The following TOX variants were observed in gnomAD, a reference collection of about 807,000 sequenced individuals.
TOX encodes the protein thymocyte selection-associated high mobility group box protein TOX.
A neutral mutation model predicts 53.7 loss-of-function variants in TOX; 11 were observed. That is an observed-to-expected ratio of 0.20 (90% CI 0.13 to 0.34). The LOEUF is 0.34. Ranked by LOEUF, TOX falls within the 10% of genes least tolerant of loss-of-function variation. TOX has a pLI of 1.00. For missense variants in TOX, 570 were observed against 664.6 expected, an observed-to-expected ratio of 0.86 and a Z score of 1.56; for synonymous variants, 225 against 245.3, an observed-to-expected ratio of 0.92 and a Z score of 0.77.
At chr8:58,837,884 T>C (rs1810572527) in intron 5 of TOX, among the ~76,000 whole-genome samples, 197 bp downstream of exon 5, 1 of 152,194 alleles carries the variant, frequency 6.6e-6, no homozygotes, top group Non-Finnish European at 1.5e-5. Flanking sequence ...AACAAAGGAA[T>C]CAACATGCTA....
chr8:59,113,815 A>T (rs948205010), intron 1 of TOX, among the ~76,000 whole-genome samples: 1 of 152,180 alleles, frequency 6.6e-6, no homozygotes, highest in African/African-American at 2.4e-5. Context: ...GCTGGCTTTA[A>T]AACAGAATAG....
intron 1 of TOX, among the ~76,000 whole-genome samples, chr8:58,971,977 C>G (rs1012415981): frequency 1.3e-5 from 2 of 152,168 alleles, no homozygotes; most frequent in Admixed American, 1.3e-4. Flanking sequence ...AGGCGTGAGC[C>G]ACCATGCGCA....
intron 3 of TOX, among the ~76,000 whole-genome samples, chr8:58,868,082 T>C (rs1811133064): frequency 6.6e-6 from 1 of 152,188 alleles, no homozygotes; most frequent in African/African-American, 2.4e-5. Flanking sequence ...AGGTCTTTTC[T>C]GTGTTCTTGT....
At chr8:58,812,516 T>C (rs951181611) in intron 7 of TOX, among the ~76,000 whole-genome samples, 2 of 152,200 alleles carry the variant, frequency 1.3e-5, no homozygotes, top group Non-Finnish European at 2.9e-5. Context: ...GCGTGCTTCC[T>C]CTTCTCATCC....
intron 1 of TOX, among the ~76,000 whole-genome samples, chr8:59,047,205 T>TG (rs1165143148): frequency 9.0e-5 from 3 of 33,236 alleles, no homozygotes; most frequent in South Asian, 1.3e-3. Flanking sequence ...CAAGAATTGT[T>TG]TTTTTTTTTT....
chr8:58,975,216 T>C (rs1813070611), intron 1 of TOX, among the ~76,000 whole-genome samples: 1 of 148,046 alleles, frequency 6.8e-6, no homozygotes, highest in South Asian at 2.2e-4. Context: ...TAAGTGTGTA[T>C]ATGTATGTAT....
intron 1 of TOX, among the ~76,000 whole-genome samples, chr8:58,978,358 A>T (rs563000128): frequency 1.2e-4 from 19 of 152,326 alleles, no homozygotes; most frequent in African/African-American, 4.6e-4. Context: ...CATAAGGCAG[A>T]CATCTGGGAG....
At chr8:58,929,953 G>C (rs555113014) in intron 3 of TOX, among the ~76,000 whole-genome samples, 1 of 152,124 alleles carries the variant, frequency 6.6e-6, no homozygotes, top group African/African-American at 2.4e-5. Flanking sequence ...ATCTAAAAAG[G>C]AGGATCAACT....
At chr8:59,040,445 C>T (rs1247858629) in intron 1 of TOX, among the ~76,000 whole-genome samples, 1 of 151,756 alleles carries the variant, frequency 6.6e-6, no homozygotes, top group Non-Finnish European at 1.5e-5. Flanking sequence ...AAATTAGGTA[C>T]AGCAGTAACC....
chr8:58,825,729 C>T (rs1810355085), intron 6 of TOX, among the ~76,000 whole-genome samples: 1 of 152,132 alleles, frequency 6.6e-6, no homozygotes, highest in South Asian at 2.1e-4. Context: ...AATCCAATGG[C>T]TATATTGATC....
chr8:59,111,071 T>C (rs868834872), intron 1 of TOX, among the ~76,000 whole-genome samples: 1 of 152,128 alleles, frequency 6.6e-6, no homozygotes, highest in Admixed American at 6.6e-5. Flanking sequence ...GGAACACAGA[T>C]GGATTAAAGG....
intron 3 of TOX, among the ~76,000 whole-genome samples, chr8:58,895,065 G>A (rs936756469): frequency 1.2e-4 from 18 of 151,956 alleles, no homozygotes; most frequent in East Asian, 9.7e-4. Context: ...GCAGGTACCC[G>A]TAATCCCAGC....
At chr8:58,821,870 T>C (rs1585843856) in intron 6 of TOX, among the ~76,000 whole-genome samples, 1 of 152,174 alleles carries the variant, frequency 6.6e-6, no homozygotes. Context: ...AGGAACTGCA[T>C]GAAGATATGC....
intron 1 of TOX, among the ~76,000 whole-genome samples, chr8:59,036,374 ACT>A (rs1177625420): frequency 3.3e-5 from 5 of 152,092 alleles, no homozygotes; most frequent in Non-Finnish European, 5.9e-5. Context: ...AGGCCCAGAG[ACT>A]CTGGCCTCTC....
At chr8:58,978,487 G>C (rs1202219575) in intron 1 of TOX, among the ~76,000 whole-genome samples, 2 of 152,098 alleles carry the variant, frequency 1.3e-5, no homozygotes, top group Non-Finnish European at 2.9e-5. Context: ...ACAACATAAG[G>C]TATCTAATGT....
At chr8:58,867,477 C>G (rs933051932) in intron 3 of TOX, among the ~76,000 whole-genome samples, 1 of 152,194 alleles carries the variant, frequency 6.6e-6, no homozygotes. Context: ...CCCTCGAGGG[C>G]AGCCTCCTCT....
chr8:59,111,376 ATTGC>A (rs916543424), intron 1 of TOX, among the ~76,000 whole-genome samples: 1 of 152,132 alleles, frequency 6.6e-6, no homozygotes. Context: ...CCTGTGAAAT[ATTGC>A]TGAGTATCTT....
chr8:58,928,091 A>G (rs978599357), intron 3 of TOX, among the ~76,000 whole-genome samples: 3 of 152,252 alleles, frequency 2.0e-5, no homozygotes, highest in Non-Finnish European at 2.9e-5. Context: ...TAATATATGT[A>G]ACCCAAGTGA....
intron 4 of TOX, among the ~76,000 whole-genome samples, chr8:58,844,948 T>A (rs1810699569): frequency 6.6e-6 from 1 of 152,124 alleles, no homozygotes; most frequent in African/African-American, 2.4e-5. Flanking sequence ...CTGTCATGTC[T>A]TATTGGTTAA....
Sources: allele counts gnomAD v4.1 joint callset (sites outside exome capture counted in the v4.1 genomes callset), GRCh38; gene constraint gnomAD v4.1.1; transcripts MANE v1.5; gene names NCBI Gene and HGNC (gene_info 2026-07-23, HGNC 2026-07-21).